TSPAN10: variants seen among roughly 807,000 people sequenced by gnomAD.
TSPAN10 encodes tetraspanin-10.
In TSPAN10, 11 loss-of-function variants were observed where a neutral mutation model predicts 15.0. That is an observed-to-expected ratio of 0.73 (90% CI 0.46 to 1.21). The LOEUF is 1.21. Among genes scored for constraint, TSPAN10 ranks in the 50% most tolerant of loss-of-function variants. The probability of loss-of-function intolerance (pLI) is 0.00; values close to 1 mark genes in which losing one functional copy is unlikely to be tolerated. For missense variants in TSPAN10, 486 were observed against 470.6 expected (o/e 1.03, Z -0.30); for synonymous variants, 241 against 226.2 (o/e 1.07, Z -0.59).
upstream of TSPAN10, among the ~76,000 whole-genome samples, chr17:81,640,362 G>A (rs148498634): frequency 1.6e-4 from 25 of 152,104 alleles, no homozygotes; most frequent in East Asian, 4.8e-3. Flanking sequence ...TTTTTCTTCT[G>A]TGCACACATT....
intron 1 of TSPAN10, among the ~76,000 whole-genome samples, chr17:81,642,760 G>A (rs572774659): frequency 2.5e-4 from 38 of 152,230 alleles, no homozygotes; most frequent in Middle Eastern, 6.8e-3. Flanking sequence ...AGCCTCCAAC[G>A]GCCTCTGGCC....
At chr17:81,641,957 G>A (rs760887848), upstream of TSPAN10, among the ~76,000 whole-genome samples, 15 of 152,132 alleles carry the variant, frequency 9.9e-5, no homozygotes, top group Admixed American at 2.6e-4. Flanking sequence ...ATAGATTGGC[G>A]CTGGGGCTGC....
chr17:81,648,077 G>C (rs1275176076), exon 3 of TSPAN10: 2 of 1,591,184 alleles, frequency 1.3e-6, no homozygotes, highest in South Asian at 1.1e-5. Flanking sequence ...CCGCCGCTCC[G>C]GCGGTGGCTG....
chr17:81,641,396 C>CA (rs748369596), upstream of TSPAN10, among the ~76,000 whole-genome samples: 1 of 152,098 alleles, frequency 6.6e-6, no homozygotes, highest in Admixed American at 6.6e-5. Context: ...TCTGAAGACT[C>CA]AGAGTGGCCT....
At chr17:81,637,667 C>CG (rs1488492370), upstream of TSPAN10, 12 of 354,224 alleles carry the variant, frequency 3.4e-5, no homozygotes, top group Non-Finnish European at 6.3e-5. Context: ...TACGCGGTGG[C>CG]TCACGCCTGT....
upstream of TSPAN10, chr17:81,638,076 T>G (rs2036131227): frequency 9.3e-6 from 1 of 107,930 alleles, no homozygotes; most frequent in Admixed American, 1.0e-4. Context: ...TAAATTACAT[T>G]AATTGATTAA....
intron 2 of TSPAN10, chr17:81,647,464 C>T (rs1482019813): frequency 1.1e-5 from 5 of 466,544 alleles, no homozygotes; most frequent in African/African-American, 2.0e-5. Flanking sequence ...CAGGTACTGC[C>T]TCTCAAGCCC....
At chr17:81,641,120 G>A (rs1371712796), upstream of TSPAN10, among the ~76,000 whole-genome samples, 2 of 151,940 alleles carry the variant, frequency 1.3e-5, no homozygotes, top group South Asian at 2.1e-4. Context: ...AGTCAAAATC[G>A]TGCCACTGCA....
exon 3 of TSPAN10, chr17:81,647,915 G>A (rs757599945): frequency 1.3e-6 from 2 of 1,586,052 alleles, no homozygotes; most frequent in Non-Finnish European, 1.7e-6. Context: ...TTTAACTGCA[G>A]CTCCCCCGGG....
chr17:81,645,600 T>C (rs767350597), exon 2 of TSPAN10: 1 of 1,612,744 alleles, frequency 6.2e-7, no homozygotes, highest in South Asian at 1.1e-5. Flanking sequence ...GCTGCGGAGC[T>C]GCCTCCTACC....
At chr17:81,644,006 A>ATTT (rs1322175344) in intron 1 of TSPAN10, among the ~76,000 whole-genome samples, 6 of 124,128 alleles carry the variant, frequency 4.8e-5, no homozygotes, top group East Asian at 2.2e-4. Flanking sequence ...CGCCCGGCTA[A>ATTT]TTTTTTTTTT....
upstream of TSPAN10, chr17:81,639,200 C>CTTTTTTTTTTTTTT (rs757994889): frequency 2.6e-5 from 3 of 115,252 alleles, 1 homozygote; most frequent in African/African-American, 3.5e-5. Context: ...TTTGGAATTA[C>CTTTTTTTTTTTTTT]TTTTCTTTTT....
intron 1 of TSPAN10, among the ~76,000 whole-genome samples, chr17:81,643,287 C>T (rs1320543260): frequency 2.0e-5 from 3 of 148,720 alleles, no homozygotes; most frequent in African/African-American, 4.9e-5. Context: ...CATGAGCCAC[C>T]GTGCCCGGCC....
At chr17:81,643,669 G>T (rs967735893) in intron 1 of TSPAN10, among the ~76,000 whole-genome samples, 56 of 151,750 alleles carry the variant, frequency 3.7e-4, no homozygotes, top group African/African-American at 1.0e-3. Flanking sequence ...TGTAGTCCCA[G>T]CTACTCAGGA....
At chr17:81,647,938 A>G (rs1429454183) in exon 3 of TSPAN10, 2 of 1,608,662 alleles carry the variant, frequency 1.2e-6, no homozygotes, top group East Asian at 2.2e-5. Flanking sequence ...GCAGGCCTGC[A>G]GCCTTCCCGC....
At chr17:81,645,658 G>A in intron 2 of TSPAN10, 29 bp downstream of exon 3, 2 of 1,608,510 alleles carry the variant, frequency 1.2e-6, no homozygotes, top group Non-Finnish European at 1.7e-6. Flanking sequence ...GAGGGACAGG[G>A]CCACCACAGG....
At chr17:81,645,331 C>A in exon 2 of TSPAN10, 6 of 1,563,990 alleles carry the variant, frequency 3.8e-6, no homozygotes, top group Non-Finnish European at 5.2e-6. Flanking sequence ...GGGGCTGGCA[C>A]TGGGAGGGCT....
intron 2 of TSPAN10, 167 bp downstream of exon 3, chr17:81,645,796 G>T: frequency 1.1e-6 from 1 of 895,554 alleles, no homozygotes; most frequent in Non-Finnish European, 1.7e-6. Context: ...GGCACGTCTC[G>T]TGCTCACAGG....
chr17:81,637,388 A>G lies in TSPAN10; in HGVS notation c.-11A>G, dbSNP rs902511284. On this transcript the variant is annotated 5_prime_UTR_variant, in exon 1 of 4. Coordinates refer to the TSPAN10 transcript ENST00000574882. Reference sequence around the variant, plus strand: ...TTATAATTGGGGAAACAGCATTCCAAACTTCTCTCCATGCACAGGTAAGTA... The same window carrying G: ...TTATAATTGGGGAAACAGCATTCCAGACTTCTCTCCATGCACAGGTAAGTA... 11 of 700,800 alleles carry G rather than the reference A, an allele frequency of 1.6e-5. No individual in the cohort carries two copies. In the East Asian group the frequency reaches 2.7e-4, roughly 17 times the overall value. 43.4% of individuals were successfully genotyped at this position (700,800 alleles called of 1,614,324 possible).
Sources: gnomAD v4.1 joint callset for allele counts (sites outside exome capture counted in the v4.1 genomes callset) on GRCh38, gnomAD v4.1.1 for gene constraint, MANE v1.5 for transcripts, NCBI Gene and HGNC (gene_info 2026-07-23, HGNC 2026-07-21) for gene names.